Variants in GIPC3 observed in about 807,000 individuals in gnomAD.
GIPC3 encodes the protein GIPC PDZ domain containing family member 3.
A neutral mutation model predicts 27.3 loss-of-function variants in GIPC3; 16 were observed. The observed-to-expected ratio is 0.59, with a 90% confidence interval of 0.40 to 0.89. The LOEUF (loss-of-function observed/expected upper bound fraction) is 0.89. Ranked by LOEUF, GIPC3 falls within the 40% of genes least tolerant of loss-of-function variation. GIPC3 has a pLI of 0.00. For synonymous variants in GIPC3, 194 were observed against 184.6 expected, an observed-to-expected ratio of 1.05 and a Z score of -0.41; for missense variants, 440 against 442.1, an observed-to-expected ratio of 1.00 and a Z score of 0.04.
rs886964217 is a variant in GIPC3 at position 3,592,561 on chromosome 19, A to T, written c.*2371A>T. The T allele has an allele frequency of 8.1e-7, 1 of 1,231,232 alleles. No individual in the cohort carries two copies. 76.3% of individuals were successfully genotyped at this position (1,231,232 alleles called of 1,614,324 possible). A position where few individuals can be genotyped will look rare whatever the true frequency, so the allele number is the denominator to read the frequency against. ...AGCTCCAGAACCCAGTCCAGTCCTG[A>T]GACCAGGCTCAGCTCTGAGGCTCAG... On this transcript the variant is annotated 3_prime_UTR_variant, in exon 6 of 6. Transcript: ENST00000644452.
chr19:3,592,993 C>A lies in GIPC3; in HGVS notation c.*2803C>A. The A allele has an allele frequency of 8.1e-7, 1 of 1,231,264 alleles. No homozygotes were observed. 76.3% of individuals were successfully genotyped at this position (1,231,264 alleles called of 1,614,324 possible). ...AAAGACCCCCAGCCTCTGCCTCAGC[C>A]CCATGATCAGGTATGTGGCATCCAG... On this transcript the variant is annotated 3_prime_UTR_variant, in exon 6 of 6. Transcript: ENST00000644452.
At position 3,590,977 on chromosome 19, in the gene GIPC3, G is replaced by C. The variant is rs922978321; in HGVS notation, c.*787G>C. On this transcript the variant is annotated 3_prime_UTR_variant, in exon 6 of 6. Transcript: ENST00000644452. ...AGTATTGAGACCAAGCCCTGTTCTA[G>C]AGTCCAGGCCAGCTCCGAGACCAAG... 16 of 1,232,898 alleles carry C rather than the reference G, an allele frequency of 1.3e-5. No homozygotes were observed. Among genetic ancestry groups the C allele is most frequent in the Admixed American group, 4.2e-5 (1 of 23,628 alleles). 76.4% of individuals were successfully genotyped at this position (1,232,898 alleles called of 1,614,324 possible).
Position 3,590,854 on chromosome 19 carries a change from C to T in GIPC3, c.*664C>T, listed in dbSNP as rs750342416. ...TCTGAGACCATGCCCAGCTCTAGAA[C>T]TCAGATGGGCTCCGAGACCAAGCCC... On this transcript the variant is annotated 3_prime_UTR_variant, in exon 6 of 6. Coordinates refer to ENST00000644452, the MANE Select transcript of GIPC3 (RefSeq NM_133261.3). 8.1e-7 allele frequency: 1 copy of T among 1,237,380 alleles called. No homozygotes were observed. The highest frequency in any genetic ancestry group is 1.0e-6 in the Non-Finnish European group (1 of 991,334). The allele number at this position is 1,237,380 out of a possible 1,614,324, so 76.7% of individuals were successfully genotyped here. A position where few individuals can be genotyped will look rare whatever the true frequency, so the allele number is the denominator to read the frequency against.
At chr19:3,587,037 C>T (rs2032382357) in intron 3 of GIPC3, 43 bp downstream of exon 3, 1 of 1,566,308 alleles carries the variant, frequency 6.4e-7, no homozygotes, top group Non-Finnish European at 8.7e-7. Flanking sequence ...GAAGTGCGTT[C>T]TACGGATGCC....
At chr19:3,588,599 C>A in intron 3 of GIPC3, among the ~76,000 whole-genome samples, 1 of 137,060 alleles carries the variant, frequency 7.3e-6, no homozygotes, top group African/African-American at 2.9e-5. Context: ...TTTGAGAGGC[C>A]AAGGCAGGTG....
intron 3 of GIPC3, among the ~76,000 whole-genome samples, chr19:3,587,695 C>CTTGTTTCTTTTCTT (rs2032400543): frequency 1.5e-5 from 2 of 131,208 alleles, no homozygotes; most frequent in African/African-American, 5.9e-5. Flanking sequence ...CTTTTCTTTT[C>CTTGTTTCTTTTCTT]TTTTTTTTTT....
rs112236623 is a variant in GIPC3, at chr19:3,587,270, T to TTTTGTTTGTTTG, written c.592+292_592+303dup. Among the ~76,000 whole-genome samples, 14,708 of 151,018 alleles carry TTTTGTTTGTTTG rather than the reference T, an allele frequency of 0.097. 801 individuals carry two copies. The highest frequency in any genetic ancestry group is 0.12 in the African/African-American group (5,003 of 40,856). On this transcript the variant is annotated intron_variant, in intron 3 of 5. Coordinates refer to ENST00000644452, the MANE Select transcript of GIPC3 (RefSeq NM_133261.3). ...TTTGGAGCCAGGCTGGGAGACTTGTTTTTGTTTGTTTGTTTGTTTGTTTGT... is the reference window on the plus strand; with the variant it reads ...TTTGGAGCCAGGCTGGGAGACTTGTTTTTGTTTGTTTGTTTGTTTGTTTGTTTGTTTGTTTGT...
chr19:3,593,262 G>A lies in GIPC3; in HGVS notation c.*3072G>A. The A allele has an allele frequency of 8.1e-7, 1 of 1,232,608 alleles. No homozygotes were observed. Among genetic ancestry groups the A allele is most frequent in the Non-Finnish European group, 1.0e-6 (1 of 988,338 alleles). 76.4% of individuals were successfully genotyped at this position (1,232,608 alleles called of 1,614,324 possible). On this transcript the variant is annotated 3_prime_UTR_variant, in exon 6 of 6. Coordinates refer to ENST00000644452, the MANE Select transcript of GIPC3 (RefSeq NM_133261.3). The stretch of plus-strand genomic sequence containing the variant: ...TTGCCCCACTCTGGGGGAGCCAGGA[G>A]CCCGCCCTTACCGCGGGGGGCCGTA...
At chr19:3,586,773 G>A (rs2032374535) in intron 2 of GIPC3, 41 bp from the exon 3 acceptor site, 2 of 1,611,970 alleles carry the variant, frequency 1.2e-6, no homozygotes, top group East Asian at 2.2e-5. Context: ...TTGGAGGCGG[G>A]TGGCTGGGGT....
chr19:3,592,786 C>T lies in GIPC3; in HGVS notation c.*2596C>T, dbSNP rs2032510922. ...GCCCACCTTAGTTCTGGAACCCAGCCTGTTTCTGGAACCCAATCCAGTTCC... is the reference window on the plus strand; with the variant it reads ...GCCCACCTTAGTTCTGGAACCCAGCTTGTTTCTGGAACCCAATCCAGTTCC... On this transcript the variant is annotated 3_prime_UTR_variant, in exon 6 of 6. Transcript: ENST00000644452. The T allele has an allele frequency of 8.1e-7, 1 of 1,232,180 alleles. No homozygotes were observed. Among genetic ancestry groups the T allele is most frequent in the East Asian group, 3.2e-5 (1 of 31,714 alleles). 76.3% of individuals were successfully genotyped at this position (1,232,180 alleles called of 1,614,324 possible). A position where few individuals can be genotyped will look rare whatever the true frequency, so the allele number is the denominator to read the frequency against.
In GIPC3 at chr19:3,586,417, AG is replaced by A. The variant is rs572350314; in HGVS notation, c.226-74del. The stretch of plus-strand genomic sequence containing the variant: ...GGCTGGGATCCTGGTCGCTGGGGGC[AG>A]GGGCCTGCGCAGACAGGGTGGCTGC... On this transcript the variant is annotated intron_variant, in intron 1 of 5. Coordinates refer to ENST00000644452, the MANE Select transcript of GIPC3 (RefSeq NM_133261.3). 5.3e-3 allele frequency: 7,039 copies of A among 1,319,254 alleles called. 22 individuals are homozygous for A. The highest frequency in any genetic ancestry group is 6.9e-3 in the Non-Finnish European group (6,458 of 934,034). The allele number at this position is 1,319,254 out of a possible 1,614,324, so 81.7% of individuals were successfully genotyped here.
At position 3,590,383 on chromosome 19, in the gene GIPC3, G is replaced by C; in HGVS notation, c.*193G>C. The C allele has an allele frequency of 1.4e-6, 2 of 1,436,644 alleles. No individual in the cohort carries two copies. Among genetic ancestry groups the C allele is most frequent in the Non-Finnish European group, 1.8e-6 (2 of 1,100,006 alleles). 89.0% of individuals were successfully genotyped at this position (1,436,644 alleles called of 1,614,324 possible). On this transcript the variant is annotated 3_prime_UTR_variant, in exon 6 of 6. Transcript: ENST00000644452. ...AGATCTGAGGCCAAGCTATGTGCTA[G>C]AGCCCAGGCCAGCTCTGAGACCAAG...
chr19:3,588,943 CA>C (rs879066514), intron 3 of GIPC3, among the ~76,000 whole-genome samples: 13,634 of 96,122 alleles, frequency 0.14, 1,118 homozygotes, highest in African/African-American at 0.31. Flanking sequence ...GACAACATCT[CA>C]AAAAAAAAAA....
chr19:3,593,514 G>C lies in GIPC3; in HGVS notation c.*3324G>C. The stretch of plus-strand genomic sequence containing the variant: ...ACCGCATGTACCCTGAGGGCTCATG[G>C]TGAATAAAGGCACCTTCCATCTCTG... On this transcript the variant is annotated 3_prime_UTR_variant, in exon 6 of 6. Transcript: ENST00000644452. 2.5e-6 allele frequency: 1 copy of C among 398,940 alleles called. No individual in the cohort carries two copies. Among genetic ancestry groups the C allele is most frequent in the East Asian group, 3.6e-5 (1 of 27,824 alleles). 24.7% of individuals were successfully genotyped at this position (398,940 alleles called of 1,614,324 possible).
At position 3,592,762 on chromosome 19, in the gene GIPC3, C is replaced by G. The variant is rs967555830; in HGVS notation, c.*2572C>G. 1 of 1,232,016 alleles carries G rather than the reference C, an allele frequency of 8.1e-7. No individual in the cohort carries two copies. 76.3% of individuals were successfully genotyped at this position (1,232,016 alleles called of 1,614,324 possible). Reference sequence around the variant, plus strand: ...TCAAGAATTCAGCCCAGCCCTGGAGCCCACCTTAGTTCTGGAACCCAGCCT... The same window carrying G: ...TCAAGAATTCAGCCCAGCCCTGGAGGCCACCTTAGTTCTGGAACCCAGCCT... On this transcript the variant is annotated 3_prime_UTR_variant, in exon 6 of 6. Transcript: ENST00000644452.
At chr19:3,588,530 C>G (rs1219878457) in intron 3 of GIPC3, among the ~76,000 whole-genome samples, 1 of 151,408 alleles carries the variant, frequency 6.6e-6, no homozygotes, top group African/African-American at 2.4e-5. Context: ...ACTCCAAAAG[C>G]CATGCCTAAA....
At chr19:3,586,384 T>G (rs1444444472) in intron 1 of GIPC3, 111 bp from the exon 2 acceptor site, 8 of 985,290 alleles carry the variant, frequency 8.1e-6, no homozygotes. Context: ...GCCCTGCCCT[T>G]TCCCATGGGC....
intron 1 of GIPC3, 127 bp downstream of exon 1, chr19:3,585,949 G>A (rs1485392508): frequency 1.4e-6 from 2 of 1,428,248 alleles, no homozygotes; most frequent in African/African-American, 1.5e-5. Flanking sequence ...CCTAATCGCC[G>A]GATCTCAGAG....
Position 3,593,179 on chromosome 19 carries a change from CT to C in GIPC3, c.*2990del, listed in dbSNP as rs1284160278. On this transcript the variant is annotated 3_prime_UTR_variant, in exon 6 of 6. Transcript: ENST00000644452. ...ATATCTGTCACTCCTAGTCCTGCCC[CT>C]AGGGCAGCCCTCCTGAGTTCCCAGC... 1 of 1,232,370 alleles carries C rather than the reference CT, an allele frequency of 8.1e-7. No homozygotes were observed. Among genetic ancestry groups the C allele is most frequent in the Non-Finnish European group, 1.0e-6 (1 of 988,120 alleles). 76.3% of individuals were successfully genotyped at this position (1,232,370 alleles called of 1,614,324 possible).
Sources: allele counts gnomAD v4.1 joint callset (sites outside exome capture counted in the v4.1 genomes callset), GRCh38; gene constraint gnomAD v4.1.1; transcripts MANE v1.5; gene names NCBI Gene and HGNC (gene_info 2026-07-23, HGNC 2026-07-21).